Variants in NET1 observed in about 807,000 individuals in gnomAD.
NET1 encodes the protein neuroepithelial cell transforming 1.
A neutral mutation model predicts 61.1 loss-of-function variants in NET1; 42 were observed. The ratio of observed to expected loss-of-function variants is 0.69; its 90% CI spans 0.54 to 0.89. The LOEUF is 0.89. NET1 is among the 40% of genes least tolerant of loss of function. NET1 has a pLI of 0.00. For synonymous variants in NET1, 254 were observed against 281.8 expected, an observed-to-expected ratio of 0.90 and a Z score of 0.99; for missense variants, 654 against 747.3, an observed-to-expected ratio of 0.88 and a Z score of 1.46.
rs1832625252 is a variant in NET1, at chr10:5,446,967, T to C, written c.256-4863T>C. On this transcript the variant is annotated intron_variant, in intron 3 of 11. Coordinates refer to ENST00000355029, the MANE Select transcript of NET1 (RefSeq NM_001047160.3). The surrounding 1 kb of genome is among the most constrained non-coding windows in gnomAD (Gnocchi z 5.0). ...GTATAATTTTAAACTTTTGATCTTATTATTACAATGTATGTTCTTGATTTA... is the reference window on the plus strand; with the variant it reads ...GTATAATTTTAAACTTTTGATCTTACTATTACAATGTATGTTCTTGATTTA... The C allele has an allele frequency of 1.3e-6, 1 of 769,870 alleles. No homozygotes were observed. The highest frequency in any genetic ancestry group is 2.9e-5 in the East Asian group (1 of 34,928). The allele number at this position is 769,870 out of a possible 1,614,324, so 47.7% of individuals were successfully genotyped here. A position where few individuals can be genotyped will look rare whatever the true frequency, so the allele number is the denominator to read the frequency against.
At chr10:5,436,162 GGTGTGTGTGTGTGTGTGTGTGTGTTGT>G (rs1454274460) in intron 3 of NET1, among the ~76,000 whole-genome samples, 1 of 70,066 alleles carries the variant, frequency 1.4e-5, no homozygotes, top group Non-Finnish European at 2.7e-5. Flanking sequence ...GTTAAAAGGA[GGTGTGTGTGTGTGTGTGTGTGTGTTGT>G]GTGTGTGTGT....
At chr10:5,414,874 G>A (rs1165017179) in intron 1 of NET1, among the ~76,000 whole-genome samples, 1 of 152,180 alleles carries the variant, frequency 6.6e-6, no homozygotes, top group Admixed American at 6.5e-5. Context: ...GTTGTGAGCA[G>A]GAATTTGAGG....
intron 1 of NET1, among the ~76,000 whole-genome samples, chr10:5,425,256 G>GA (rs34321700): frequency 3.9e-3 from 203 of 52,130 alleles, no homozygotes; most frequent in African/African-American, 0.012. Context: ...TTCCTTGTCG[G>GA]AAAAAAAACA....
rs772531809 is a variant in NET1, at chr10:5,420,115, T to G, written c.129-6540T>G. ...TCTGAAGTTTTTTTCTGCTCTTTTC[T>G]CTTTTCCTCTCTTTCTGATATTCCC... On this transcript the variant is annotated intron_variant, in intron 1 of 11. Transcript: ENST00000355029. This position sits in a 1 kb window ranked among gnomAD's most constrained non-coding sequence, Gnocchi z 5.3. Among the ~76,000 whole-genome samples, 1 of 152,218 alleles carries G rather than the reference T, an allele frequency of 6.6e-6. No individual in the cohort carries two copies. The highest frequency in any genetic ancestry group is 1.5e-5 in the Non-Finnish European group (1 of 68,030).
intron 2 of NET1, among the ~76,000 whole-genome samples, chr10:5,428,498 T>TAAAA (rs10685042): frequency 3.0e-5 from 4 of 132,886 alleles, no homozygotes; most frequent in Non-Finnish European, 3.3e-5. Context: ...GTGTTCCTTT[T>TAAAA]CAAAAAAAAA....
chr10:5,446,884 C>T lies in NET1; in HGVS notation c.256-4946C>T, dbSNP rs757377315. The T allele has an allele frequency of 1.3e-6, 2 of 1,572,372 alleles. No homozygotes were observed. The highest frequency in any genetic ancestry group is 1.7e-6 in the Non-Finnish European group (2 of 1,152,924). ...GTAAGACTTTAAGAGAAACGTTAGG[C>T]AAAAGGAATGTTTTCTAACTCCACG... On this transcript the variant is annotated intron_variant, in intron 3 of 11. Transcript: ENST00000355029. This position sits in a 1 kb window ranked among gnomAD's most constrained non-coding sequence, Gnocchi z 5.0.
At position 5,412,642 on chromosome 10, in the gene NET1, C is replaced by T. The variant is rs1564455563; in HGVS notation, c.-51C>T. ...GAGGCTGGCGGGCATCGTGCCCGTC[C>T]CTGCCGGTCTCCCGGGCACCCGGCC... On this transcript the variant is annotated 5_prime_UTR_variant, in exon 1 of 12. Transcript: ENST00000355029. This position sits in a 1 kb window ranked among gnomAD's most constrained non-coding sequence, Gnocchi z 6.5. 2 of 1,439,974 alleles carry T rather than the reference C, an allele frequency of 1.4e-6. 1 individual carries two copies. 89.2% of individuals were successfully genotyped at this position (1,439,974 alleles called of 1,614,324 possible). A position where few individuals can be genotyped will look rare whatever the true frequency, so the allele number is the denominator to read the frequency against.
In NET1 at chr10:5,452,220, A is replaced by G. The variant is rs563840398; in HGVS notation, c.364-138A>G. The stretch of plus-strand genomic sequence containing the variant: ...AAATATTTAAGATTGGTAGGTGGAA[A>G]CTTGGATAAATTATTGTTTTCTGCA... On this transcript the variant is annotated intron_variant, in intron 4 of 11. Transcript: ENST00000355029. The surrounding 1 kb of genome is among the most constrained non-coding windows in gnomAD (Gnocchi z 4.0). The G allele has an allele frequency of 2.7e-4, 225 of 837,386 alleles. No homozygotes were observed. The African/African-American group carries it at 3.5e-3, about 13-fold the overall frequency. The allele number at this position is 837,386 out of a possible 1,614,324, so 51.9% of individuals were successfully genotyped here.
chr10:5,420,133 A>G lies in NET1; in HGVS notation c.129-6522A>G, dbSNP rs1280031502. Among the ~76,000 whole-genome samples the G allele has an allele frequency of 6.6e-6, 1 of 152,086 alleles. No homozygotes were observed. The highest frequency in any genetic ancestry group is 1.5e-5 in the Non-Finnish European group (1 of 68,024). On this transcript the variant is annotated intron_variant, in intron 1 of 11. Transcript: ENST00000355029. This position sits in a 1 kb window ranked among gnomAD's most constrained non-coding sequence, Gnocchi z 5.3. The stretch of plus-strand genomic sequence containing the variant: ...TCTTTTCTCTTTTCCTCTCTTTCTG[A>G]TATTCCCATTATGTGTATTTGAAGG...
chr10:5,451,513 A>ATTT lies in NET1; in HGVS notation c.256-317_256-316insTTT, dbSNP rs1374582605. On this transcript the variant is annotated intron_variant, in intron 3 of 11. Coordinates refer to ENST00000355029, the MANE Select transcript of NET1 (RefSeq NM_001047160.3). The surrounding 1 kb of genome is among the most constrained non-coding windows in gnomAD (Gnocchi z 6.1). The stretch of plus-strand genomic sequence containing the variant: ...TTCATAACAATAAGGCTTTTTTTTA[A>ATTT]AAAAAAAAAAAGTTATTCCCTGCAT... 6.2e-4 allele frequency among the ~76,000 whole-genome samples: 82 copies of ATTT among 131,798 alleles called. 1 individual carries two copies. Among genetic ancestry groups the ATTT allele is most frequent in the Middle Eastern group, 3.9e-3 (1 of 258 alleles). 86.5% of individuals were successfully genotyped at this position (131,798 alleles called of 152,430 possible). A position where few individuals can be genotyped will look rare whatever the true frequency, so the allele number is the denominator to read the frequency against.
At position 5,453,344 on chromosome 10, in the gene NET1, A is replaced by C. The variant is rs1177412078; in HGVS notation, c.689A>C (p.Glu230Ala). The change falls in exon 7 of 12, where the codon GAA becomes GCA. Residue 230 changes from glutamate to alanine, a missense_variant and splice_region_variant. Glu to Ala is a moderately radical substitution (Grantham distance 107). Transcript: ENST00000355029. The surrounding 1 kb of genome is among the most constrained non-coding windows in gnomAD (Gnocchi z 4.9). ...GDLDSYIPLH[E>A]DLLTRIGEAT... ...CTGGACTCTTACATACCTCTGCATG[A>C]AGGTTAGATGTGCCACTTAATTGTC... 6.2e-7 allele frequency: 1 copy of C among 1,603,686 alleles called. No individual in the cohort carries two copies. The highest frequency in any genetic ancestry group is 1.7e-5 in the Admixed American group (1 of 60,014).
rs1259036992 is a variant in NET1, at chr10:5,417,115, C to T, written c.128+4295C>T. ...AGGTTGCCCGATTCTCCTCCAACCT[C>T]CCTGGCCAAGCTCTGCGTCATTCTG... is the stretch of plus-strand genomic sequence containing the variant. On this transcript the variant is annotated intron_variant, in intron 1 of 11. Coordinates refer to ENST00000355029, the MANE Select transcript of NET1 (RefSeq NM_001047160.3). The surrounding 1 kb of genome is among the most constrained non-coding windows in gnomAD (Gnocchi z 5.5). Among the ~76,000 whole-genome samples the T allele has an allele frequency of 6.6e-6, 1 of 152,206 alleles. No individual in the cohort carries two copies. The highest frequency in any genetic ancestry group is 1.5e-5 in the Non-Finnish European group (1 of 68,034).
chr10:5,425,714 A>G (rs1044792692), intron 1 of NET1, among the ~76,000 whole-genome samples: 4 of 152,208 alleles, frequency 2.6e-5, no homozygotes, highest in African/African-American at 7.2e-5. Flanking sequence ...CCTGTCTTTT[A>G]GTCTCTGTCA....
At position 5,454,587 on chromosome 10, in the gene NET1, T is replaced by TATC; in HGVS notation, c.1026+66_1026+68dup. The stretch of plus-strand genomic sequence containing the variant: ...TATACATTAGGCTGCTTTAGAACGT[T>TATC]ATCTTCTGAAGATGCTGATTCACAT... On this transcript the variant is annotated intron_variant, in intron 9 of 11. Coordinates refer to ENST00000355029, the MANE Select transcript of NET1 (RefSeq NM_001047160.3). The surrounding 1 kb of genome is among the most constrained non-coding windows in gnomAD (Gnocchi z 8.1). 1 of 1,525,620 alleles carries TATC rather than the reference T, an allele frequency of 6.6e-7. No individual in the cohort carries two copies. Among genetic ancestry groups the TATC allele is most frequent in the South Asian group, 1.3e-5 (1 of 78,592 alleles). The allele number at this position is 1,525,620 out of a possible 1,614,324, so 94.5% of individuals were successfully genotyped here. A position where few individuals can be genotyped will look rare whatever the true frequency, so the allele number is the denominator to read the frequency against.
Position 5,424,284 on chromosome 10 carries a change from G to C in NET1, c.129-2371G>C, listed in dbSNP as rs900539562. The stretch of plus-strand genomic sequence containing the variant: ...GTTTTTTCTTAAGCCAGTGCCCACT[G>C]ATGGCTCCTGCTAACCATGTAGCAT... On this transcript the variant is annotated intron_variant, in intron 1 of 11. Coordinates refer to ENST00000355029, the MANE Select transcript of NET1 (RefSeq NM_001047160.3). This position sits in a 1 kb window ranked among gnomAD's most constrained non-coding sequence, Gnocchi z 6.1. 6.6e-6 allele frequency among the ~76,000 whole-genome samples: 1 copy of C among 152,170 alleles called. No individual in the cohort carries two copies. Among genetic ancestry groups the C allele is most frequent in the Admixed American group, 6.5e-5 (1 of 15,278 alleles).
Position 5,412,679 on chromosome 10 carries a change from C to A in NET1, c.-14C>A. 6.8e-7 allele frequency: 1 copy of A among 1,465,244 alleles called. No individual in the cohort carries two copies. The highest frequency in any genetic ancestry group is 8.9e-7 in the Non-Finnish European group (1 of 1,119,682). 90.8% of individuals were successfully genotyped at this position (1,465,244 alleles called of 1,614,324 possible). A position where few individuals can be genotyped will look rare whatever the true frequency, so the allele number is the denominator to read the frequency against. Reference sequence around the variant, plus strand: ...CCGGGCACCCGGCCACCGCCCCACCCCCTCCTCCGTGCCATGGAGCCCGAG... The same window carrying A: ...CCGGGCACCCGGCCACCGCCCCACCACCTCCTCCGTGCCATGGAGCCCGAG... On this transcript the variant is annotated 5_prime_UTR_variant, in exon 1 of 12. Coordinates refer to ENST00000355029, the MANE Select transcript of NET1 (RefSeq NM_001047160.3). This position sits in a 1 kb window ranked among gnomAD's most constrained non-coding sequence, Gnocchi z 6.5.
rs1286541078 is a variant in NET1, at chr10:5,441,479, C to T, written c.256-10351C>T. On this transcript the variant is annotated intron_variant, in intron 3 of 11. Coordinates refer to ENST00000355029, the MANE Select transcript of NET1 (RefSeq NM_001047160.3). The surrounding 1 kb of genome is among the most constrained non-coding windows in gnomAD (Gnocchi z 4.6). ...GTTCAGGGAAAAATGGGAGGAATCC[C>T]ATTCAACAGCTTGTTACAGAAGACT... 6.6e-6 allele frequency among the ~76,000 whole-genome samples: 1 copy of T among 152,218 alleles called. No individual in the cohort carries two copies. The highest frequency in any genetic ancestry group is 2.4e-5 in the African/African-American group (1 of 41,462).
At position 5,453,652 on chromosome 10, in the gene NET1, ACT is replaced by A; in HGVS notation, c.768+95_768+96del. 9.2e-7 allele frequency: 1 copy of A among 1,088,310 alleles called. No individual in the cohort carries two copies. Among genetic ancestry groups the A allele is most frequent in the Non-Finnish European group, 1.4e-6 (1 of 703,562 alleles). 67.4% of individuals were successfully genotyped at this position (1,088,310 alleles called of 1,614,324 possible). ...AATATGAGACAGATTTGATCCCACA[ACT>A]CTGTTCTACAAACACATAAGGCGTT... On this transcript the variant is annotated intron_variant, in intron 8 of 11. Transcript: ENST00000355029. This position sits in a 1 kb window ranked among gnomAD's most constrained non-coding sequence, Gnocchi z 4.9.
rs557887460 is a variant in NET1 at position 5,415,719 on chromosome 10, G to A, written c.128+2899G>A. On this transcript the variant is annotated intron_variant, in intron 1 of 11. Transcript: ENST00000355029. This position sits in a 1 kb window ranked among gnomAD's most constrained non-coding sequence, Gnocchi z 4.7. The stretch of plus-strand genomic sequence containing the variant: ...CTCCCAAAGTGCTGGGATTACAGGC[G>A]TGAGCCACCGCACCTGGCCCTGTTC... Among the ~76,000 whole-genome samples the A allele has an allele frequency of 3.2e-4, 49 of 152,280 alleles. No individual in the cohort carries two copies. Among genetic ancestry groups the A allele is most frequent in the Non-Finnish European group, 5.0e-4 (34 of 68,022 alleles).
Sources: allele counts gnomAD v4.1 joint callset (sites outside exome capture counted in the v4.1 genomes callset), GRCh38; gene constraint gnomAD v4.1.1; non-coding constraint Gnocchi (gnomAD v3.1); transcripts MANE v1.5; gene names NCBI Gene and HGNC (gene_info 2026-07-23, HGNC 2026-07-21).